Variants in C12orf76 observed in about 807,000 individuals in gnomAD.
The protein encoded by C12orf76 is chromosome 12 open reading frame 76.
Under a neutral mutation model 6.8 loss-of-function variants are expected in C12orf76, and 6 were observed. The observed-to-expected ratio is 0.88, with a 90% CI of 0.48 to 1.73. The LOEUF (loss-of-function observed/expected upper bound fraction) is 1.73. Ranked by LOEUF, C12orf76 falls within the 40% of genes most tolerant of loss-of-function variation. C12orf76 has a pLI of 0.01. For synonymous variants in C12orf76, 56 were observed against 43.7 expected (o/e 1.28, Z -1.11); for missense variants, 99 against 98.2 (o/e 1.01, Z -0.03).
chr12:110,056,368 T>G (rs955262295), intron 4 of C12orf76, among the ~76,000 whole-genome samples: 4 of 152,146 alleles, frequency 2.6e-5, no homozygotes, highest in Admixed American at 6.6e-5. Context: ...GCTATAATTT[T>G]ATGCATTCTA....
chr12:110,062,053 C>T (rs993197702), intron 2 of C12orf76, among the ~76,000 whole-genome samples: 1 of 151,990 alleles, frequency 6.6e-6, no homozygotes, highest in Admixed American at 6.6e-5. Flanking sequence ...CATTTGAAGT[C>T]AGGAGTTCGA....
At chr12:110,047,877 C>G (rs1380197252) in intron 1 of C12orf76, among the ~76,000 whole-genome samples, 2 of 152,158 alleles carry the variant, frequency 1.3e-5, no homozygotes, top group Admixed American at 6.5e-5. Flanking sequence ...GCCTTGTTGC[C>G]TAGCCTGAGC....
chr12:110,060,719 A>G (rs558508143), intron 2 of C12orf76, among the ~76,000 whole-genome samples: 27 of 152,134 alleles, frequency 1.8e-4, no homozygotes, highest in African/African-American at 6.5e-4. Context: ...TCTAGTTCCC[A>G]TCTATATGCT....
chr12:110,051,150 A>T (rs1214284677), upstream of C12orf76: 1 of 780,286 alleles, frequency 1.3e-6, no homozygotes, highest in East Asian at 2.4e-5. Flanking sequence ...ACAGCTTGCC[A>T]CTCACCAGAG....
intron 2 of C12orf76, among the ~76,000 whole-genome samples, chr12:110,063,081 A>G (rs946033340): frequency 1.3e-5 from 2 of 151,254 alleles, no homozygotes; most frequent in African/African-American, 4.9e-5. Context: ...CTGGGATTAC[A>G]TGCACCTGCC....
At chr12:110,052,263 A>G (rs148169636), upstream of C12orf76, among the ~76,000 whole-genome samples, 1,009 of 150,782 alleles carry the variant, frequency 6.7e-3, 7 homozygotes, top group Middle Eastern at 0.01. Flanking sequence ...GCACAATCAT[A>G]GCTCACTGCA....
intron 2 of C12orf76, among the ~76,000 whole-genome samples, chr12:110,062,067 C>G (rs1892780416): frequency 6.6e-6 from 1 of 151,880 alleles, no homozygotes; most frequent in South Asian, 2.1e-4. Context: ...AGTTCGAGAC[C>G]AGTTTGGCCA....
upstream of C12orf76, chr12:110,048,572 G>C (rs998471543): frequency 7.5e-7 from 1 of 1,339,462 alleles, no homozygotes; most frequent in Non-Finnish European, 9.5e-7. Context: ...GTCTCTCTGC[G>C]TCGCTGCCAC....
intron 2 of C12orf76, among the ~76,000 whole-genome samples, chr12:110,065,395 T>A (rs1357076634): frequency 6.6e-6 from 1 of 152,112 alleles, no homozygotes; most frequent in South Asian, 2.1e-4. Context: ...GGTCTCGAAC[T>A]CTTGACCTCA....
At chr12:110,055,240 G>A (rs2137228334) in intron 4 of C12orf76, among the ~76,000 whole-genome samples, 1 of 145,354 alleles carries the variant, frequency 6.9e-6, no homozygotes, top group African/African-American at 2.5e-5. Context: ...TTGAGACAGA[G>A]TCTCCCTCTG....
upstream of C12orf76, among the ~76,000 whole-genome samples, chr12:110,072,549 C>T (rs199656976): frequency 4.0e-5 from 6 of 150,886 alleles, no homozygotes; most frequent in East Asian, 1.2e-3. Flanking sequence ...GGGATGCTTG[C>T]ACAACTCTGT....
upstream of C12orf76, among the ~76,000 whole-genome samples, chr12:110,054,052 G>A (rs1892629828): frequency 6.6e-6 from 1 of 151,652 alleles, no homozygotes; most frequent in Admixed American, 6.6e-5. The surrounding 1 kb of genome is among the most constrained non-coding windows in gnomAD (Gnocchi z 4.4). Flanking sequence ...TCCAGCCTGG[G>A]CGACAGAGCA....
chr12:110,068,247 A>G (rs866833323), upstream of C12orf76, among the ~76,000 whole-genome samples: 2 of 63,816 alleles, frequency 3.1e-5, no homozygotes, highest in East Asian at 5.8e-4. Flanking sequence ...GAAGAAGAAG[A>G]AAGAAGAAGA....
chr12:110,045,961 AAAT>A (rs749767539), intron 1 of C12orf76: 27 of 205,282 alleles, frequency 1.3e-4, no homozygotes, highest in Admixed American at 6.0e-4. Context: ...TCCATATAAA[AAAT>A]AATAATAAAA....
chr12:110,068,323 A>AAGAAGC (rs1892916411), upstream of C12orf76, among the ~76,000 whole-genome samples: 1 of 134,954 alleles, frequency 7.4e-6, no homozygotes, highest in Admixed American at 7.3e-5. Context: ...GAAGAAGAAG[A>AAGAAGC]AGAAGAAGGC....
At chr12:110,073,613 C>A (rs575297172) in exon 1 of C12orf76, 14 of 433,886 alleles carry the variant, frequency 3.2e-5, no homozygotes, top group South Asian at 2.1e-4. Flanking sequence ...CACAGCAAGC[C>A]CCCTCCCAGT....
chr12:110,049,938 C>T (rs1892548139), upstream of C12orf76: 7 of 152,324 alleles, frequency 4.6e-5, no homozygotes, highest in South Asian at 1.0e-3. Flanking sequence ...AAATCAATCA[C>T]GACCCTTTCA....
At chr12:110,051,512 C>T (rs113404557), upstream of C12orf76, among the ~76,000 whole-genome samples, 1,045 of 150,534 alleles carry the variant, frequency 6.9e-3, 1 homozygote, top group Non-Finnish European at 9.6e-3. Context: ...CTGCAACCTC[C>T]GCCCCCTAGG....
At chr12:110,071,991 C>A (rs1161662333), upstream of C12orf76, among the ~76,000 whole-genome samples, 1 of 152,132 alleles carries the variant, frequency 6.6e-6, no homozygotes, top group South Asian at 2.1e-4. Context: ...TATATATCCA[C>A]ATAAAACCTT....
Sources: gnomAD v4.1 joint callset for allele counts (sites outside exome capture counted in the v4.1 genomes callset) on GRCh38, gnomAD v4.1.1 for gene constraint, Gnocchi (gnomAD v3.1) non-coding constraint, MANE v1.5 for transcripts, NCBI Gene and HGNC (gene_info 2026-07-23, HGNC 2026-07-21) for gene names.